Variants in PGPEP1 observed in about 807,000 individuals in gnomAD.
The protein encoded by PGPEP1 is pyroglutamyl-peptidase I.
PGPEP1 carries 15 observed loss-of-function variants against 24.1 expected under a neutral mutation model. That is an observed-to-expected ratio of 0.62 (90% CI 0.42 to 0.96). PGPEP1 has a LOEUF of 0.96. PGPEP1 is among the 40% of genes least tolerant of loss of function. PGPEP1 has a pLI of 0.00. For missense variants in PGPEP1, 242 were observed against 273.4 expected (o/e 0.89, Z 0.81); for synonymous variants, 122 against 116.4 (o/e 1.05, Z -0.31).
intron 2 of PGPEP1, among the ~76,000 whole-genome samples, chr19:18,354,005 C>T (rs1417874387): frequency 6.6e-6 from 1 of 152,158 alleles, no homozygotes; most frequent in Non-Finnish European, 1.5e-5. Context: ...GAGGCCAAGG[C>T]AGGTGAATCA....
Position 18,363,908 on chromosome 19 carries a change from G to C in PGPEP1, c.*325G>C. The C allele has an allele frequency of 4.1e-6, 1 of 243,036 alleles. No individual in the cohort carries two copies. The highest frequency in any genetic ancestry group is 8.4e-5 in the South Asian group (1 of 11,914). The allele number at this position is 243,036 out of a possible 1,614,324, so 15.1% of individuals were successfully genotyped here. On this transcript the variant is annotated 3_prime_UTR_variant, in exon 5 of 5. Coordinates refer to ENST00000269919, the MANE Select transcript of PGPEP1 (RefSeq NM_017712.4). Reference sequence around the variant, plus strand: ...ATCCATGAGCTGCGATACCACGGCTGGGGCCATATGTTCACCTGCTTTCCT... The same window carrying C: ...ATCCATGAGCTGCGATACCACGGCTCGGGCCATATGTTCACCTGCTTTCCT...
chr19:18,361,121 C>T (rs536449112), intron 4 of PGPEP1, among the ~76,000 whole-genome samples: 26 of 151,834 alleles, frequency 1.7e-4, no homozygotes, highest in Non-Finnish European at 2.6e-4. Flanking sequence ...TGTGAGCCTC[C>T]GCACCCAGCT....
intron 2 of PGPEP1, among the ~76,000 whole-genome samples, chr19:18,349,820 A>C (rs976167324): frequency 1.3e-5 from 2 of 152,056 alleles, no homozygotes. Context: ...TTTGTTTTTA[A>C]TTTTGATGAA....
intron 4 of PGPEP1, among the ~76,000 whole-genome samples, chr19:18,361,163 G>C (rs1207325968): frequency 1.3e-5 from 2 of 150,432 alleles, no homozygotes; most frequent in Admixed American, 1.3e-4. Flanking sequence ...AAAGACAAGA[G>C]TTTCGCTCTT....
intron 2 of PGPEP1, among the ~76,000 whole-genome samples, chr19:18,347,460 C>G (rs190082300): frequency 6.6e-6 from 1 of 150,928 alleles, no homozygotes; most frequent in African/African-American, 2.4e-5. Context: ...GTCTTACTAT[C>G]TCTTCCCCTT....
At chr19:18,348,314 A>G (rs1970918826) in intron 2 of PGPEP1, among the ~76,000 whole-genome samples, 1 of 152,162 alleles carries the variant, frequency 6.6e-6, no homozygotes. Flanking sequence ...TTGCTGCCAC[A>G]GTGAGTCTAG....
chr19:18,358,253 C>CTTTT lies in PGPEP1; in HGVS notation c.437+659_437+662dup, dbSNP rs58979840. Among the ~76,000 whole-genome samples, 61 of 64,476 alleles carry CTTTT rather than the reference C, an allele frequency of 9.5e-4. 1 individual carries two copies. Among genetic ancestry groups the CTTTT allele is most frequent in the East Asian group, 1.4e-3 (3 of 2,192 alleles). The allele number at this position is 64,476 out of a possible 152,430, so 42.3% of individuals were successfully genotyped here. On this transcript the variant is annotated intron_variant, in intron 4 of 4. Transcript: ENST00000269919. ...TAGGACTCATCCTAATCCAGTATGACTTTTTTTTTTTTTTTTTTTTTTTTG... is the reference window on the plus strand; with the variant it reads ...TAGGACTCATCCTAATCCAGTATGACTTTTTTTTTTTTTTTTTTTTTTTTTTTTG...
intron 1 of PGPEP1, among the ~76,000 whole-genome samples, chr19:18,340,979 G>A (rs1350778723): frequency 6.6e-6 from 1 of 152,056 alleles, no homozygotes; most frequent in Non-Finnish European, 1.5e-5. Context: ...GGCCCCCCTG[G>A]CGTCCTTTCC....
At position 18,357,558 on chromosome 19, in the gene PGPEP1, A is replaced by C. The variant is rs1322591669; in HGVS notation, c.380A>C (p.Lys127Thr). 1 of 1,613,056 alleles carries C rather than the reference A, an allele frequency of 6.2e-7. No homozygotes were observed. The highest frequency in any genetic ancestry group is 8.5e-7 in the Non-Finnish European group (1 of 1,179,600). ...DSIIDMDAVCKRVTTLGLDVS... is the reference protein window; with the variant it reads ...DSIIDMDAVCTRVTTLGLDVS... ...ATCATCGACATGGATGCTGTGTGCA[A>C]GCGAGTCACCACGTTGGGCCTGGAT... is the stretch of plus-strand genomic sequence containing the variant. The change falls in exon 4 of 5, where the codon AAG becomes ACG. Residue 127 changes from lysine (K) to threonine (T), a missense_variant. Transcript: ENST00000269919.
At chr19:18,349,208 A>AGATTCTG in intron 2 of PGPEP1, 2 of 621,130 alleles carry the variant, frequency 3.2e-6, no homozygotes, top group Non-Finnish European at 4.0e-6. Context: ...TTGAGACAGA[A>AGATTCTG]TCTCACTCTG....
At position 18,340,702 on chromosome 19, in the gene PGPEP1, G is replaced by A; in HGVS notation, c.21G>A (p.Ala7=). The change falls in exon 1 of 5, where the codon GCG becomes GCA. Residue 7 remains alanine (A), a synonymous_variant. Transcript: ENST00000269919. MEQPRK[A]VVVTGFGPFG... ...CCGCCATGGAGCAGCCGAGGAAGGC[G>A]GTGGTAGTGACGGGTACGCTGGCTG... 9 of 1,537,578 alleles carry A rather than the reference G, an allele frequency of 5.9e-6. No homozygotes were observed. Among genetic ancestry groups the A allele is most frequent in the Non-Finnish European group, 7.9e-6 (9 of 1,142,894 alleles).
chr19:18,343,743 G>A (rs1275262099), intron 2 of PGPEP1, among the ~76,000 whole-genome samples: 1 of 147,438 alleles, frequency 6.8e-6, no homozygotes, highest in Non-Finnish European at 1.5e-5. Context: ...GAGTGCAGTG[G>A]CGCGATCTTG....
chr19:18,345,943 G>A (rs1476421368), intron 2 of PGPEP1, among the ~76,000 whole-genome samples: 1 of 151,622 alleles, frequency 6.6e-6, no homozygotes, highest in South Asian at 2.1e-4. Context: ...AGCCGAGATT[G>A]TGCCACTGCA....
intron 1 of PGPEP1, among the ~76,000 whole-genome samples, chr19:18,340,970 GC>G (rs947059290): frequency 2.5e-4 from 38 of 151,974 alleles, no homozygotes; most frequent in African/African-American, 7.7e-4. Flanking sequence ...CGCTGCGCAG[GC>G]CCCCCTGGCG....
At chr19:18,361,247 C>T (rs1415457808) in intron 4 of PGPEP1, among the ~76,000 whole-genome samples, 1 of 152,122 alleles carries the variant, frequency 6.6e-6, no homozygotes, top group East Asian at 1.9e-4. Flanking sequence ...AAGTGATTCT[C>T]CTGCCTCAGC....
At chr19:18,345,725 CAAAAA>C (rs1263995077) in intron 2 of PGPEP1, among the ~76,000 whole-genome samples, 2 of 89,780 alleles carry the variant, frequency 2.2e-5, no homozygotes, top group South Asian at 3.9e-4. Context: ...GACCCTATCT[CAAAAA>C]AAAAAAAAAA....
At chr19:18,344,170 G>C (rs1190797273) in intron 2 of PGPEP1, among the ~76,000 whole-genome samples, 1 of 152,058 alleles carries the variant, frequency 6.6e-6, no homozygotes, top group Non-Finnish European at 1.5e-5. Flanking sequence ...CTTGTAGGAA[G>C]GGGTACAGTG....
At chr19:18,353,954 A>ATTG (rs1971109594) in intron 2 of PGPEP1, among the ~76,000 whole-genome samples, 1 of 152,054 alleles carries the variant, frequency 6.6e-6, no homozygotes, top group African/African-American at 2.4e-5. Context: ...CTTTTTACAA[A>ATTG]TTGGACACAG....
intron 2 of PGPEP1, among the ~76,000 whole-genome samples, chr19:18,352,392 C>G (rs1282816033): frequency 6.8e-6 from 1 of 146,156 alleles, no homozygotes; most frequent in African/African-American, 2.5e-5. Context: ...TGCAGTAAGA[C>G]AAGATCATAC....
Sources: gnomAD v4.1 joint callset for allele counts (sites outside exome capture counted in the v4.1 genomes callset) on GRCh38, gnomAD v4.1.1 for gene constraint, MANE v1.5 for transcripts, NCBI Gene and HGNC (gene_info 2026-07-23, HGNC 2026-07-21) for gene names.